The following SPATA16 variants were observed in gnomAD, a reference collection of about 807,000 sequenced individuals.
The protein encoded by SPATA16 is spermatogenesis associated 16, also known as spermatogenesis-associated protein 16.
A neutral mutation model predicts 63.3 loss-of-function variants in SPATA16; 36 were observed. The ratio of observed to expected loss-of-function variants is 0.57; its 90% CI spans 0.44 to 0.75. The LOEUF (loss-of-function observed/expected upper bound fraction) is 0.75, where lower values mean the gene tolerates loss of function less well. Among genes scored for constraint, SPATA16 ranks in the 30% least tolerant of loss-of-function variants. The pLI is 0.00. For missense variants in SPATA16, 646 were observed against 679.3 expected, an observed-to-expected ratio of 0.95 and a Z score of 0.54; for synonymous variants, 203 against 216.7, an observed-to-expected ratio of 0.94 and a Z score of 0.56.
intron 2 of SPATA16, among the ~76,000 whole-genome samples, chr3:173,096,461 C>G (rs1737351367): frequency 6.6e-6 from 1 of 152,036 alleles, no homozygotes; most frequent in Non-Finnish European, 1.5e-5. Flanking sequence ...GCAAATGACT[C>G]TGAAATGTAG....
chr3:173,066,866 T>C (rs1560112227), intron 2 of SPATA16, among the ~76,000 whole-genome samples: 1 of 152,074 alleles, frequency 6.6e-6, no homozygotes, highest in Non-Finnish European at 1.5e-5. Context: ...ATATGTGAAC[T>C]TTCAGACAGA....
chr3:173,006,555 C>T (rs554145583), intron 4 of SPATA16, among the ~76,000 whole-genome samples: 1 of 152,332 alleles, frequency 6.6e-6, no homozygotes, highest in East Asian at 1.9e-4. Context: ...ATCATCTCTT[C>T]AGAACCACTT....
At chr3:172,919,746 C>T (rs567106292) in intron 8 of SPATA16, among the ~76,000 whole-genome samples, 371 of 148,222 alleles carry the variant, frequency 2.5e-3, no homozygotes, top group Non-Finnish European at 4.0e-3. Context: ...GGTGTGATCT[C>T]GGCCCACTGC....
chr3:172,967,607 T>C (rs937923841), intron 5 of SPATA16, among the ~76,000 whole-genome samples: 3 of 152,080 alleles, frequency 2.0e-5, no homozygotes, highest in African/African-American at 7.2e-5. Context: ...AAGCAGGAGG[T>C]GAGTGGCGGG....
intron 1 of SPATA16, among the ~76,000 whole-genome samples, chr3:173,128,843 C>G (rs1339594372): frequency 6.6e-6 from 1 of 152,204 alleles, no homozygotes; most frequent in Non-Finnish European, 1.5e-5. Context: ...TCATGATTAG[C>G]TTACTACAGA....
intron 6 of SPATA16, among the ~76,000 whole-genome samples, chr3:172,940,740 A>T (rs1733124887): frequency 6.6e-6 from 1 of 152,160 alleles, no homozygotes; most frequent in African/African-American, 2.4e-5. Context: ...TAATCTTAGC[A>T]CTTTGGGAGG....
chr3:173,093,909 G>T (rs976631118), intron 2 of SPATA16, among the ~76,000 whole-genome samples: 1 of 151,998 alleles, frequency 6.6e-6, no homozygotes, highest in African/African-American at 2.4e-5. Context: ...TTTTATCTTA[G>T]CTCCCAGTAA....
intron 1 of SPATA16, among the ~76,000 whole-genome samples, chr3:173,124,664 C>T (rs991052855): frequency 6.6e-6 from 1 of 152,108 alleles, no homozygotes; most frequent in African/African-American, 2.4e-5. Flanking sequence ...CGGTGGTCAC[C>T]CCAGGCTCAT....
At chr3:173,013,210 A>C (rs1735109783) in intron 4 of SPATA16, among the ~76,000 whole-genome samples, 1 of 152,222 alleles carries the variant, frequency 6.6e-6, no homozygotes. Flanking sequence ...TCAAAACCAC[A>C]ATGAGATGCC....
intron 6 of SPATA16, among the ~76,000 whole-genome samples, chr3:172,953,325 G>C (rs1218202454): frequency 6.6e-6 from 1 of 152,138 alleles, no homozygotes; most frequent in African/African-American, 2.4e-5. Context: ...TGGCTTGCTG[G>C]AGAATGCAGC....
At chr3:172,981,644 G>A (rs757640893) in intron 4 of SPATA16, among the ~76,000 whole-genome samples, 9 of 152,150 alleles carry the variant, frequency 5.9e-5, no homozygotes, top group Admixed American at 1.3e-4. Flanking sequence ...TTCTCAGTGA[G>A]AACTACCCTG....
intron 1 of SPATA16, among the ~76,000 whole-genome samples, chr3:173,139,282 C>T (rs1738635251): frequency 6.6e-6 from 1 of 152,158 alleles, no homozygotes; most frequent in African/African-American, 2.4e-5. Flanking sequence ...GGCTCATGCT[C>T]ATTCATTGCA....
chr3:173,061,345 T>C (rs1471839892), intron 2 of SPATA16, among the ~76,000 whole-genome samples: 1 of 152,216 alleles, frequency 6.6e-6, no homozygotes, highest in Non-Finnish European at 1.5e-5. Context: ...GTCTCTGAGT[T>C]GGGCATGCAA....
intron 10 of SPATA16, among the ~76,000 whole-genome samples, chr3:172,903,993 A>T (rs1732182218): frequency 6.6e-6 from 1 of 152,240 alleles, no homozygotes; most frequent in African/African-American, 2.4e-5. Flanking sequence ...GTTTAATATA[A>T]GTGTGCTAGT....
intron 2 of SPATA16, among the ~76,000 whole-genome samples, chr3:173,116,361 G>A (rs978394486): frequency 1.3e-5 from 2 of 152,154 alleles, no homozygotes; most frequent in East Asian, 1.9e-4. Context: ...AATAAAATAC[G>A]AAATATGCAC....
At chr3:172,974,357 G>C (rs1734108598) in intron 5 of SPATA16, among the ~76,000 whole-genome samples, 1 of 151,990 alleles carries the variant, frequency 6.6e-6, no homozygotes, top group African/African-American at 2.4e-5. Flanking sequence ...GCCTATAAAA[G>C]TGCATGAAAA....
At chr3:173,069,959 A>C (rs1347196700) in intron 2 of SPATA16, among the ~76,000 whole-genome samples, 1 of 95,374 alleles carries the variant, frequency 1.0e-5, no homozygotes, top group Non-Finnish European at 2.2e-5. Context: ...AAAAAGACGA[A>C]AAAAAAAAAC....
At chr3:173,107,799 T>G (rs1275347482) in intron 2 of SPATA16, among the ~76,000 whole-genome samples, 2 of 152,156 alleles carry the variant, frequency 1.3e-5, no homozygotes, top group Non-Finnish European at 2.9e-5. Flanking sequence ...GGAATTGCTG[T>G]TTTTAAGTCT....
At chr3:172,993,233 T>C (rs1043188394) in intron 4 of SPATA16, among the ~76,000 whole-genome samples, 2 of 151,266 alleles carry the variant, frequency 1.3e-5, no homozygotes, top group East Asian at 3.9e-4. Flanking sequence ...GAAAATTAAA[T>C]AGTGGCAAGT....
Sources: gnomAD v4.1 joint callset for allele counts (sites outside exome capture counted in the v4.1 genomes callset) on GRCh38, gnomAD v4.1.1 for gene constraint, MANE v1.5 for transcripts, NCBI Gene and HGNC (gene_info 2026-07-23, HGNC 2026-07-21) for gene names.